MAP3K2: variants seen among roughly 807,000 people sequenced by gnomAD.
MAP3K2 encodes MAP/ERK kinase kinase 2.
MAP3K2 carries 24 observed loss-of-function variants against 80.3 expected under a neutral mutation model. The observed-to-expected ratio is 0.30, with a 90% CI of 0.22 to 0.42. MAP3K2 has a LOEUF of 0.42. Among genes scored for constraint, MAP3K2 ranks in the 10% least tolerant of loss-of-function variants. MAP3K2 has a pLI of 1.00. For synonymous variants in MAP3K2, 244 were observed against 253.7 expected (o/e 0.96, Z 0.36); for missense variants, 608 against 750.1 (o/e 0.81, Z 2.21).
In MAP3K2 at chr2:127,378,460, T is replaced by C. The variant is rs189256403; in HGVS notation, c.-66+8992A>G. ...CTTACTTTTTATCAAACCAATACAT[T>C]TATGTTCCCATCAACTTACCGAAAA... On this transcript the variant is annotated intron_variant, in intron 1 of 16. Transcript: ENST00000682094. Among the ~76,000 whole-genome samples, 142 of 152,332 alleles carry C rather than the reference T, an allele frequency of 9.3e-4. 1 individual carries two copies. Among genetic ancestry groups the C allele is most frequent in the Admixed American group, 1.4e-3 (21 of 15,304 alleles).
intron 1 of MAP3K2, among the ~76,000 whole-genome samples, chr2:127,359,190 A>C (rs1391342048): frequency 6.6e-6 from 1 of 152,206 alleles, no homozygotes; most frequent in African/African-American, 2.4e-5. Context: ...ATTCTAATGT[A>C]AATTATGGAC....
chr2:127,380,357 G>A (rs1034998753), intron 1 of MAP3K2, among the ~76,000 whole-genome samples: 1 of 152,144 alleles, frequency 6.6e-6, no homozygotes, highest in East Asian at 1.9e-4. Flanking sequence ...AAAGAATACC[G>A]ATAAAATATA....
At chr2:127,371,082 A>G (rs1274709505) in intron 1 of MAP3K2, among the ~76,000 whole-genome samples, 1 of 152,238 alleles carries the variant, frequency 6.6e-6, no homozygotes. Context: ...AAAAGCTAAG[A>G]AAAAGCATTA....
At chr2:127,331,657 T>G (rs1486516106) in intron 5 of MAP3K2, among the ~76,000 whole-genome samples, 3 of 152,260 alleles carry the variant, frequency 2.0e-5, no homozygotes, top group South Asian at 4.1e-4. Flanking sequence ...TCATTCAGGC[T>G]GGAGTACAGT....
intron 5 of MAP3K2, among the ~76,000 whole-genome samples, chr2:127,334,826 A>G (rs1348134553): frequency 1.4e-5 from 2 of 145,270 alleles, no homozygotes. Context: ...GCTGGAGTGT[A>G]GTGACGCGGT....
intron 1 of MAP3K2, among the ~76,000 whole-genome samples, chr2:127,373,936 G>A (rs1376679152): frequency 6.6e-6 from 1 of 152,072 alleles, no homozygotes; most frequent in African/African-American, 2.4e-5. Flanking sequence ...GGCCTTATAG[G>A]GCATACCCTT....
chr2:127,356,964 G>A lies in MAP3K2; in HGVS notation c.-65-13770C>T, dbSNP rs550796803. ...ACCTACAGAGTGGGAGAAAATATTT[G>A]CAAACTATACATCCAATGGGGACTA... On this transcript the variant is annotated intron_variant, in intron 1 of 16. Transcript: ENST00000682094. Among the ~76,000 whole-genome samples the A allele has an allele frequency of 1.2e-3, 178 of 152,104 alleles. 1 individual carries two copies. Among genetic ancestry groups the A allele is most frequent in the Non-Finnish European group, 2.2e-3 (150 of 68,024 alleles).
intron 5 of MAP3K2, among the ~76,000 whole-genome samples, chr2:127,335,629 A>G (rs1323064517): frequency 6.6e-6 from 1 of 152,222 alleles, no homozygotes; most frequent in Non-Finnish European, 1.5e-5. Context: ...AATTCCAAGT[A>G]ATACATATAT....
chr2:127,307,490 C>CT lies in MAP3K2; in HGVS notation c.*88dup, dbSNP rs138616286. 2,940 of 727,420 alleles carry CT rather than the reference C, an allele frequency of 4.0e-3. 63 individuals are homozygous for CT. The African/African-American group carries it at 0.046, about 11-fold the overall frequency. 45.1% of individuals were successfully genotyped at this position (727,420 alleles called of 1,614,324 possible). A position where few individuals can be genotyped will look rare whatever the true frequency, so the allele number is the denominator to read the frequency against. On this transcript the variant is annotated 3_prime_UTR_variant, in exon 17 of 17. Coordinates refer to ENST00000682094, the MANE Select transcript of MAP3K2 (RefSeq NM_001371910.2). The surrounding 1 kb of genome is among the most constrained non-coding windows in gnomAD (Gnocchi z 5.4). The stretch of plus-strand genomic sequence containing the variant: ...CTTGTCTTTTTTCTCCCCCATCTCT[C>CT]TTTTTTTATAAAAAAGAAAAGTGCA...
In MAP3K2 at chr2:127,309,265, T is replaced by C. The variant is rs149008058; in HGVS notation, c.1457-503A>G. On this transcript the variant is annotated intron_variant, in intron 15 of 16. Transcript: ENST00000682094. ...ATTTTAGAGTTTTCTTAATATTGAA[T>C]CTTGCTTTATATTAATTTTACTTCC... Among the ~76,000 whole-genome samples the C allele has an allele frequency of 3.8e-3, 572 of 152,306 alleles. 4 individuals are homozygous for C. Among genetic ancestry groups the C allele is most frequent in the Non-Finnish European group, 4.2e-3 (287 of 68,026 alleles).
chr2:127,324,100 C>T (rs1157256324), intron 10 of MAP3K2, 74 bp downstream of exon 10: 5 of 1,131,510 alleles, frequency 4.4e-6, no homozygotes, highest in Non-Finnish European at 6.2e-6. Context: ...TTCAAAAATC[C>T]CCCCTCTCCC....
chr2:127,323,591 G>T (rs1285703074), intron 11 of MAP3K2, among the ~76,000 whole-genome samples: 1 of 151,950 alleles, frequency 6.6e-6, no homozygotes, highest in Admixed American at 6.6e-5. Context: ...AACTCAGGAA[G>T]CCAAGGCAGG....
At chr2:127,356,926 G>A (rs565387343) in intron 1 of MAP3K2, among the ~76,000 whole-genome samples, 1 of 152,180 alleles carries the variant, frequency 6.6e-6, no homozygotes, top group Non-Finnish European at 1.5e-5. Flanking sequence ...ATAATCAACA[G>A]AGTAAACAGA....
chr2:127,358,353 C>A (rs913639329), intron 1 of MAP3K2, among the ~76,000 whole-genome samples: 2 of 152,156 alleles, frequency 1.3e-5, no homozygotes, highest in Admixed American at 1.3e-4. Context: ...GGTACAACCG[C>A]TTTGGAAAAC....
In MAP3K2 at chr2:127,301,527, C is replaced by G. The variant is rs1178148133; in HGVS notation, c.*6052G>C. ...TTAGCTTACAAGTGGACAGAAGTAA[C>G]AGTGCTAATTATTTTGGCTATGTGT... On this transcript the variant is annotated 3_prime_UTR_variant, in exon 17 of 17. Coordinates refer to ENST00000682094, the MANE Select transcript of MAP3K2 (RefSeq NM_001371910.2). 1 of 152,128 alleles carries G rather than the reference C, an allele frequency of 6.6e-6. No homozygotes were observed. The allele number at this position is 152,128 out of a possible 1,614,324, so 9.4% of individuals were successfully genotyped here.
rs78661186 is a variant in MAP3K2 at position 127,321,800 on chromosome 2, T to A, written c.1045+246A>T. Among the ~76,000 whole-genome samples the A allele has an allele frequency of 7.6e-4, 116 of 152,344 alleles. 4 individuals carry two copies. In the East Asian group the frequency reaches 0.018, roughly 24 times the overall value. On this transcript the variant is annotated intron_variant, in intron 12 of 16. Transcript: ENST00000682094. The surrounding 1 kb of genome is among the most constrained non-coding windows in gnomAD (Gnocchi z 4.4). The stretch of plus-strand genomic sequence containing the variant: ...ATTCAACAAGGATATGTGGAATGCA[T>A]GGATAAAGAATGACTAGTTGGTAAT...
At chr2:127,331,639 TCTCA>T (rs755762809) in intron 5 of MAP3K2, among the ~76,000 whole-genome samples, 1 of 152,182 alleles carries the variant, frequency 6.6e-6, no homozygotes, top group African/African-American at 2.4e-5. Flanking sequence ...TGAAATGGAG[TCTCA>T]CTGTCATTCA....
At chr2:127,367,459 A>C (rs1326556633) in intron 1 of MAP3K2, among the ~76,000 whole-genome samples, 1 of 152,230 alleles carries the variant, frequency 6.6e-6, no homozygotes, top group East Asian at 1.9e-4. Flanking sequence ...AGGAGACATT[A>C]GGTCTCATTT....
At chr2:127,308,178 G>A (rs890516273) in intron 16 of MAP3K2, among the ~76,000 whole-genome samples, 2 of 152,014 alleles carry the variant, frequency 1.3e-5, no homozygotes, top group African/African-American at 2.4e-5. Context: ...TCTTTTCTGG[G>A]TGGGAAGTAG....
Sources: allele counts gnomAD v4.1 joint callset (sites outside exome capture counted in the v4.1 genomes callset), GRCh38; gene constraint gnomAD v4.1.1; non-coding constraint Gnocchi (gnomAD v3.1); transcripts MANE v1.5; gene names NCBI Gene and HGNC (gene_info 2026-07-23, HGNC 2026-07-21).